The following SMCO2 variants were observed in gnomAD, a reference collection of about 807,000 sequenced individuals.
The protein encoded by SMCO2 is single-pass membrane and coiled-coil domain-containing protein 2.
Under a neutral mutation model 29.5 loss-of-function variants are expected in SMCO2, and 25 were observed. That is an observed-to-expected ratio of 0.85 (90% CI 0.62 to 1.18). The LOEUF (loss-of-function observed/expected upper bound fraction) is 1.18. SMCO2 is among the 50% of genes most tolerant of loss of function. The pLI, the probability that SMCO2 is intolerant of heterozygous loss-of-function variation, is 0.00. For synonymous variants in SMCO2, 117 were observed against 123.3 expected, an observed-to-expected ratio of 0.95 and a Z score of 0.34; for missense variants, 348 against 344.5, an observed-to-expected ratio of 1.01 and a Z score of -0.08.
intron 4 of SMCO2, among the ~76,000 whole-genome samples, chr12:27,485,835 T>C (rs535591656): frequency 2.0e-5 from 3 of 152,288 alleles, no homozygotes; most frequent in African/African-American, 7.2e-5. Flanking sequence ...TTTTACCTCA[T>C]TTGGTTTTGA....
At chr12:27,477,580 G>T in intron 4 of SMCO2, among the ~76,000 whole-genome samples, 1 of 141,784 alleles carries the variant, frequency 7.1e-6, no homozygotes, top group African/African-American at 2.7e-5. Flanking sequence ...CCAAATATTG[G>T]TTTCCTTATG....
At position 27,491,195 on chromosome 12, in the gene SMCO2, T is replaced by C. The variant is rs186502188; in HGVS notation, c.450+2648T>C. Among the ~76,000 whole-genome samples the C allele has an allele frequency of 6.4e-4, 97 of 152,058 alleles. 1 individual carries two copies. The highest frequency in any genetic ancestry group is 4.6e-3 in the Admixed American group (71 of 15,274). On this transcript the variant is annotated intron_variant, in intron 5 of 7. Transcript: ENST00000298876. ...AGAAATGGAATAACTAAGAAAGGCATGAAAAGAGAAGGAGGGAAAATTGGT... is the reference window on the plus strand; with the variant it reads ...AGAAATGGAATAACTAAGAAAGGCACGAAAAGAGAAGGAGGGAAAATTGGT...
At chr12:27,449,805 C>T in the SMCO2 span, among the ~76,000 whole-genome samples, 15 of 152,218 alleles carry the variant, frequency 9.9e-5, 1 homozygote, top group Admixed American at 8.5e-4. Flanking sequence ...CAGGCTCTTA[C>T]AAGGCCAGTT....
the SMCO2 span, among the ~76,000 whole-genome samples, chr12:27,437,432 G>A: frequency 1.3e-5 from 2 of 152,028 alleles, no homozygotes; most frequent in African/African-American, 4.8e-5. Context: ...AGCAATACAG[G>A]TGAAAGCAAT....
the SMCO2 span, among the ~76,000 whole-genome samples, chr12:27,456,003 G>T: frequency 6.6e-6 from 1 of 152,340 alleles, no homozygotes; most frequent in African/African-American, 2.4e-5. Flanking sequence ...AAATCCTGAG[G>T]TTGGGAGTTT....
chr12:27,452,068 A>C, the SMCO2 span, among the ~76,000 whole-genome samples: 1 of 152,184 alleles, frequency 6.6e-6, no homozygotes, highest in Non-Finnish European at 1.5e-5. Flanking sequence ...GGATATTTAC[A>C]ATTTTGTAAG....
rs1270352680 is a variant in SMCO2 at position 27,470,612 on chromosome 12, G to A, written c.-10-10G>A. The A allele has an allele frequency of 5.8e-6, 9 of 1,549,438 alleles. No individual in the cohort carries two copies. Among genetic ancestry groups the A allele is most frequent in the Non-Finnish European group, 7.0e-6 (8 of 1,145,960 alleles). On this transcript the variant is annotated splice_polypyrimidine_tract_variant and intron_variant, in intron 1 of 7. Transcript: ENST00000298876. Reference sequence around the variant, plus strand: ...TAAAATCCCTCTTGTTGTCATTATTGTCCTTACAGTGCCGAAGAAATGGCT... The same window carrying A: ...TAAAATCCCTCTTGTTGTCATTATTATCCTTACAGTGCCGAAGAAATGGCT...
intron 5 of SMCO2, among the ~76,000 whole-genome samples, chr12:27,493,227 C>T (rs1392091595): frequency 1.3e-5 from 2 of 152,046 alleles, no homozygotes; most frequent in Non-Finnish European, 2.9e-5. Context: ...TAACTGTTGG[C>T]TACTGGGCTT....
upstream of SMCO2, among the ~76,000 whole-genome samples, chr12:27,464,119 G>A (rs917931379): frequency 6.6e-6 from 1 of 152,220 alleles, no homozygotes; most frequent in African/African-American, 2.4e-5. Flanking sequence ...ACAAGGGTCT[G>A]AACGAAGGGA....
chr12:27,426,586 A>G, the SMCO2 span, among the ~76,000 whole-genome samples: 1 of 152,196 alleles, frequency 6.6e-6, no homozygotes, highest in African/African-American at 2.4e-5. Context: ...TAATTTTAAC[A>G]ATGATCATTA....
chr12:27,454,874 C>T, the SMCO2 span, among the ~76,000 whole-genome samples: 3 of 150,846 alleles, frequency 2.0e-5, no homozygotes, highest in Non-Finnish European at 4.4e-5. Context: ...TGGCTTCTAG[C>T]TTCATCTATG....
intron 4 of SMCO2, among the ~76,000 whole-genome samples, chr12:27,484,140 C>T (rs569261337): frequency 6.6e-6 from 1 of 152,208 alleles, no homozygotes; most frequent in Non-Finnish European, 1.5e-5. Flanking sequence ...CCTGTAATCC[C>T]AGCACTTTGG....
chr12:27,470,597 C>G, intron 1 of SMCO2, 25 bp from the exon 2 acceptor site: 1 of 1,545,192 alleles, frequency 6.5e-7, no homozygotes, highest in Non-Finnish European at 8.7e-7. Flanking sequence ...TAAAATCCCT[C>G]TTGTTGTCAT....
the SMCO2 span, among the ~76,000 whole-genome samples, chr12:27,454,261 G>A: frequency 6.6e-6 from 1 of 152,186 alleles, no homozygotes; most frequent in Admixed American, 6.5e-5. Flanking sequence ...TGAGATTACA[G>A]GTGTGAGCCA....
At chr12:27,427,286 C>T in the SMCO2 span, among the ~76,000 whole-genome samples, 10 of 152,190 alleles carry the variant, frequency 6.6e-5, no homozygotes, top group African/African-American at 1.2e-4. Flanking sequence ...GGTCTCCTCA[C>T]GCCCATAATT....
At chr12:27,433,383 C>T in the SMCO2 span, among the ~76,000 whole-genome samples, 2 of 152,068 alleles carry the variant, frequency 1.3e-5, no homozygotes, top group Non-Finnish European at 2.9e-5. Context: ...GCTATGGAAA[C>T]AATCCAAACT....
exon 4 of SMCO2, chr12:27,474,872 G>A (rs411816): frequency 0.78 from 1,209,508 of 1,550,978 alleles, 472,863 homozygotes; most frequent in Middle Eastern, 0.9. Flanking sequence ...ACCCTCAAGC[G>A]TCTACATCTC....
At chr12:27,485,202 CT>C (rs1396060324) in intron 4 of SMCO2, among the ~76,000 whole-genome samples, 1 of 151,308 alleles carries the variant, frequency 6.6e-6, no homozygotes, top group African/African-American at 2.4e-5. Flanking sequence ...ATTCACTAAT[CT>C]TTTGGTTCTG....
chr12:27,424,777 A>G, the SMCO2 span: 7 of 152,234 alleles, frequency 4.6e-5, no homozygotes, highest in African/African-American at 1.7e-4. Context: ...GCTAGAAGCC[A>G]TAAAGAAAAG....
Sources: allele counts gnomAD v4.1 joint callset (sites outside exome capture counted in the v4.1 genomes callset), GRCh38; gene constraint gnomAD v4.1.1; transcripts MANE v1.5; gene names NCBI Gene and HGNC (gene_info 2026-07-23, HGNC 2026-07-21).